Variants in ATP6V1H observed in about 807,000 individuals in gnomAD.
ATP6V1H encodes the protein V-type proton ATPase subunit H.
ATP6V1H carries 39 observed loss-of-function variants against 71.7 expected under a neutral mutation model. The observed-to-expected ratio is 0.54, with a 90% confidence interval of 0.42 to 0.71. ATP6V1H has a LOEUF of 0.71. Among genes scored for constraint, ATP6V1H ranks in the 30% least tolerant of loss-of-function variants. The pLI is 0.00. For synonymous variants in ATP6V1H, 192 were observed against 199.3 expected (o/e 0.96, Z 0.31); for missense variants, 509 against 594.9 (o/e 0.86, Z 1.50).
chr8:53,824,710 T>G (rs1810772040), intron 4 of ATP6V1H, among the ~76,000 whole-genome samples: 1 of 152,054 alleles, frequency 6.6e-6, no homozygotes, highest in Admixed American at 6.6e-5. Context: ...ACTCAAAAAC[T>G]AAGAATTGAC....
chr8:53,839,277 AT>A (rs1386850070), intron 2 of ATP6V1H, among the ~76,000 whole-genome samples: 4 of 152,238 alleles, frequency 2.6e-5, no homozygotes, highest in African/African-American at 9.6e-5. Context: ...TCCAGGCTTT[AT>A]AAACATAAAA....
chr8:53,736,231 C>T (rs773723843), intron 13 of ATP6V1H, among the ~76,000 whole-genome samples: 6 of 152,120 alleles, frequency 3.9e-5, no homozygotes, highest in Non-Finnish European at 5.9e-5. Flanking sequence ...AACCCAGACC[C>T]GTCTGGCCCA....
intron 10 of ATP6V1H, among the ~76,000 whole-genome samples, chr8:53,771,640 A>T (rs1362521159): frequency 6.6e-6 from 1 of 152,210 alleles, no homozygotes; most frequent in Non-Finnish European, 1.5e-5. Flanking sequence ...TACTTTCTCC[A>T]TATACAGGCA....
chr8:53,764,834 A>T (rs909315009), intron 11 of ATP6V1H, among the ~76,000 whole-genome samples: 1 of 151,870 alleles, frequency 6.6e-6, no homozygotes, highest in Admixed American at 6.6e-5. Context: ...ATGGTGGCTC[A>T]TGCCTATAAT....
intron 2 of ATP6V1H, among the ~76,000 whole-genome samples, chr8:53,841,355 A>G (rs1418553533): frequency 3.3e-5 from 5 of 152,188 alleles, no homozygotes; most frequent in African/African-American, 1.2e-4. Flanking sequence ...CAGCCAGAGA[A>G]GGTCAAAAGC....
At chr8:53,732,658 C>CAAAAAAAAAAA (rs576194964) in intron 13 of ATP6V1H, among the ~76,000 whole-genome samples, 3 of 93,882 alleles carry the variant, frequency 3.2e-5, no homozygotes, top group Admixed American at 1.2e-4. Context: ...CAGCTTATTG[C>CAAAAAAAAAAA]AAAAAAAAAA....
chr8:53,791,123 T>C (rs974951479), intron 9 of ATP6V1H, among the ~76,000 whole-genome samples: 7 of 152,134 alleles, frequency 4.6e-5, no homozygotes, highest in Non-Finnish European at 1.0e-4. Flanking sequence ...AGAAGGAGCA[T>C]TAAGCCCTCA....
intron 13 of ATP6V1H, among the ~76,000 whole-genome samples, chr8:53,730,146 C>T (rs1448234663): frequency 1.3e-5 from 2 of 152,222 alleles, no homozygotes; most frequent in African/African-American, 4.8e-5. Flanking sequence ...AACACTACTG[C>T]CTGGCTCACT....
intron 4 of ATP6V1H, among the ~76,000 whole-genome samples, chr8:53,818,484 A>G (rs1439437234): frequency 6.6e-6 from 1 of 152,228 alleles, no homozygotes; most frequent in African/African-American, 2.4e-5. Flanking sequence ...ATCAAGGAAT[A>G]GCCTACTGTC....
chr8:53,820,759 A>G (rs1051266397), intron 4 of ATP6V1H, among the ~76,000 whole-genome samples: 5 of 151,706 alleles, frequency 3.3e-5, no homozygotes, highest in Admixed American at 6.6e-5. Context: ...AGGCTGGCAG[A>G]TCACCTGAGG....
intron 9 of ATP6V1H, among the ~76,000 whole-genome samples, chr8:53,790,560 C>T (rs1809534935): frequency 6.6e-6 from 1 of 152,176 alleles, no homozygotes; most frequent in Admixed American, 6.5e-5. Context: ...TGATATTACT[C>T]TCACAGGACA....
intron 8 of ATP6V1H, among the ~76,000 whole-genome samples, chr8:53,800,714 C>T (rs1809882254): frequency 6.6e-6 from 1 of 152,154 alleles, no homozygotes; most frequent in Admixed American, 6.5e-5. Context: ...TTTCTGTAAT[C>T]TTTTATGATA....
intron 9 of ATP6V1H, among the ~76,000 whole-genome samples, chr8:53,772,497 G>A (rs959780700): frequency 6.6e-6 from 1 of 151,880 alleles, no homozygotes; most frequent in Non-Finnish European, 1.5e-5. Flanking sequence ...GCTCTCATTT[G>A]TTGCCCACCT....
In ATP6V1H at chr8:53,812,018, GAC is replaced by G. The variant is rs573030392; in HGVS notation, c.526-803_526-802del. Among the ~76,000 whole-genome samples, 335 of 152,288 alleles carry G rather than the reference GAC, an allele frequency of 2.2e-3. 2 individuals are homozygous for G. The highest frequency in any genetic ancestry group is 7.8e-3 in the African/African-American group (324 of 41,560). The stretch of plus-strand genomic sequence containing the variant: ...AAACACTTGTGACAGAGAAAAAAGA[GAC>G]ACTCTAGATGTAGCACTATCGCATG... On this transcript the variant is annotated intron_variant, in intron 6 of 13. Transcript: ENST00000359530.
intron 9 of ATP6V1H, among the ~76,000 whole-genome samples, chr8:53,774,966 T>C (rs1808810566): frequency 6.6e-6 from 1 of 152,230 alleles, no homozygotes; most frequent in Non-Finnish European, 1.5e-5. Flanking sequence ...GCAACGCAAG[T>C]GTGTCCGCAA....
At chr8:53,770,774 A>G (rs530533146) in intron 10 of ATP6V1H, among the ~76,000 whole-genome samples, 1 of 152,162 alleles carries the variant, frequency 6.6e-6, no homozygotes, top group Non-Finnish European at 1.5e-5. Context: ...AGCTATCACT[A>G]ATCTTATTTT....
chr8:53,740,575 T>C (rs1407435328), intron 13 of ATP6V1H, among the ~76,000 whole-genome samples: 1 of 152,142 alleles, frequency 6.6e-6, no homozygotes, highest in African/African-American at 2.4e-5. Flanking sequence ...AAAGAAAAAC[T>C]CCACTGTATT....
chr8:53,803,345 A>T (rs538180648), intron 7 of ATP6V1H, among the ~76,000 whole-genome samples: 20 of 152,238 alleles, frequency 1.3e-4, no homozygotes, highest in African/African-American at 4.3e-4. Flanking sequence ...TCAAAAAAAA[A>T]ATAAAAACAG....
At chr8:53,757,811 T>G (rs1808128710) in intron 11 of ATP6V1H, among the ~76,000 whole-genome samples, 2 of 152,232 alleles carry the variant, frequency 1.3e-5, no homozygotes, top group Non-Finnish European at 2.9e-5. Flanking sequence ...TTCTTCATAG[T>G]ACTAATCACC....
Sources: gnomAD v4.1 joint callset for allele counts (sites outside exome capture counted in the v4.1 genomes callset) on GRCh38, gnomAD v4.1.1 for gene constraint, MANE v1.5 for transcripts, NCBI Gene and HGNC (gene_info 2026-07-23, HGNC 2026-07-21) for gene names.